UBE2E2: variants seen among roughly 807,000 people sequenced by gnomAD.
UBE2E2 encodes ubiquitin-conjugating enzyme E2 E2.
A neutral mutation model predicts 24.7 loss-of-function variants in UBE2E2; 6 were observed. The ratio of observed to expected loss-of-function variants is 0.24; its 90% confidence interval spans 0.13 to 0.48. The LOEUF is 0.48. UBE2E2 is among the 20% of genes least tolerant of loss of function. The pLI, the probability that UBE2E2 is intolerant of heterozygous loss-of-function variation, is 0.99. For missense variants in UBE2E2, 169 were observed against 245.0 expected (o/e 0.69, Z 2.07); for synonymous variants, 104 against 83.6 (o/e 1.24, Z -1.33).
intron 2 of UBE2E2, 152 bp from the exon 3 acceptor site, chr3:23,217,110 T>G: frequency 1.3e-6 from 1 of 746,802 alleles, no homozygotes; most frequent in Non-Finnish European, 2.1e-6. Flanking sequence ...AATTGCAACT[T>G]TATTGTTTGT....
chr3:23,204,813 A>G, intron 1 of UBE2E2: 1 of 932,346 alleles, frequency 1.1e-6, no homozygotes. Flanking sequence ...AGAAAAGTTT[A>G]GAAACATGAG....
chr3:23,284,170 T>G (rs1698553450), intron 3 of UBE2E2, among the ~76,000 whole-genome samples: 2 of 152,126 alleles, frequency 1.3e-5, no homozygotes, highest in African/African-American at 2.4e-5. Context: ...CTCCCTATAA[T>G]CTATAATATT....
intron 3 of UBE2E2, among the ~76,000 whole-genome samples, chr3:23,493,146 C>G (rs930742506): frequency 5.3e-5 from 8 of 152,154 alleles, no homozygotes; most frequent in African/African-American, 1.9e-4. Context: ...TCCTCTTTAC[C>G]TGTCCCAAAG....
chr3:23,514,973 A>G (rs538868288), intron 4 of UBE2E2, among the ~76,000 whole-genome samples: 8 of 152,302 alleles, frequency 5.3e-5, no homozygotes, highest in African/African-American at 1.9e-4. Context: ...TGTCCTTTGG[A>G]AGACCAAATA....
intron 3 of UBE2E2, among the ~76,000 whole-genome samples, chr3:23,345,181 A>G (rs989250907): frequency 6.6e-6 from 1 of 152,186 alleles, no homozygotes; most frequent in African/African-American, 2.4e-5. Context: ...TAAAATTGCA[A>G]CTGATCTTTA....
At chr3:23,569,257 T>C (rs1442126668) in intron 5 of UBE2E2, among the ~76,000 whole-genome samples, 1 of 152,194 alleles carries the variant, frequency 6.6e-6, no homozygotes, top group Non-Finnish European at 1.5e-5. Flanking sequence ...AGGAAAAGTT[T>C]TCAGATTAGG....
chr3:23,301,065 A>G (rs576446777), intron 3 of UBE2E2, among the ~76,000 whole-genome samples: 10 of 152,062 alleles, frequency 6.6e-5, no homozygotes, highest in South Asian at 4.2e-4. Flanking sequence ...CTTTCTTCCA[A>G]CTGATCACAT....
At chr3:23,228,717 C>A (rs985461796) in intron 3 of UBE2E2, among the ~76,000 whole-genome samples, 3 of 152,144 alleles carry the variant, frequency 2.0e-5, no homozygotes, top group African/African-American at 7.2e-5. Flanking sequence ...AGAATGTCTA[C>A]ATACTTTAGG....
At chr3:23,365,718 C>T (rs1696241456) in intron 3 of UBE2E2, among the ~76,000 whole-genome samples, 1 of 152,076 alleles carries the variant, frequency 6.6e-6, no homozygotes, top group South Asian at 2.1e-4. Flanking sequence ...AGTGCCATTC[C>T]TATCAAACTA....
At chr3:23,559,895 G>C (rs1284480356) in intron 5 of UBE2E2, among the ~76,000 whole-genome samples, 2 of 152,090 alleles carry the variant, frequency 1.3e-5, no homozygotes, top group Admixed American at 1.3e-4. Context: ...AGCTCTGTAA[G>C]TACATACTGG....
At chr3:23,512,158 GT>G (rs1257833023) in intron 4 of UBE2E2, among the ~76,000 whole-genome samples, 6 of 146,046 alleles carry the variant, frequency 4.1e-5, no homozygotes, top group Non-Finnish European at 9.0e-5. Flanking sequence ...CAGTAATTCA[GT>G]TTTTTGCCTA....
At chr3:23,292,126 GA>G (rs1351764665) in intron 3 of UBE2E2, among the ~76,000 whole-genome samples, 1 of 152,034 alleles carries the variant, frequency 6.6e-6, no homozygotes, top group Non-Finnish European at 1.5e-5. Context: ...CCAAAGTGCT[GA>G]GATTACAGGC....
intron 1 of UBE2E2, among the ~76,000 whole-genome samples, chr3:23,207,155 C>T (rs984823061): frequency 6.6e-6 from 1 of 152,214 alleles, no homozygotes; most frequent in South Asian, 2.1e-4. Flanking sequence ...TGGTTCAGTT[C>T]TGGATTTGTC....
intron 3 of UBE2E2, among the ~76,000 whole-genome samples, chr3:23,250,203 T>G (rs1010863212): frequency 6.6e-6 from 1 of 152,202 alleles, no homozygotes; most frequent in Non-Finnish European, 1.5e-5. Context: ...TCACAGCCAT[T>G]AAGTAGATAA....
intron 3 of UBE2E2, among the ~76,000 whole-genome samples, chr3:23,344,671 TAGTG>T (rs201108043): frequency 0.029 from 4,368 of 151,926 alleles, 107 homozygotes; most frequent in East Asian, 0.13. Context: ...CTGGGCAACA[TAGTG>T]AGACAAACCT....
intron 5 of UBE2E2, among the ~76,000 whole-genome samples, chr3:23,542,567 A>T (rs1048709111): frequency 1.3e-5 from 2 of 152,140 alleles, no homozygotes; most frequent in African/African-American, 4.8e-5. Context: ...GTGGAGAGAG[A>T]GTGTTTTCAG....
intron 3 of UBE2E2, among the ~76,000 whole-genome samples, chr3:23,498,320 T>C (rs1699650167): frequency 6.6e-6 from 1 of 152,202 alleles, no homozygotes; most frequent in Non-Finnish European, 1.5e-5. Context: ...AAAATCCAGT[T>C]TCTCTGTTTT....
rs191344563 is a variant in UBE2E2, at chr3:23,574,531, T to A, written c.509-15203T>A. Among the ~76,000 whole-genome samples the A allele has an allele frequency of 4.8e-3, 728 of 152,238 alleles. 4 individuals carry two copies. The highest frequency in any genetic ancestry group is 7.9e-3 in the Non-Finnish European group (539 of 68,002). ...ACACCTACTATGTACCCACAAACAT[T>A]AAAAATTATAAATTTTTATAAAGAA... On this transcript the variant is annotated intron_variant, in intron 5 of 5. Coordinates refer to ENST00000396703, the MANE Select transcript of UBE2E2 (RefSeq NM_152653.4).
At chr3:23,279,193 G>T (rs997784677) in intron 3 of UBE2E2, among the ~76,000 whole-genome samples, 2 of 152,040 alleles carry the variant, frequency 1.3e-5, no homozygotes, top group East Asian at 3.8e-4. Flanking sequence ...GACAGATTTG[G>T]CTTAGTAGTT....
Sources: allele counts gnomAD v4.1 joint callset (sites outside exome capture counted in the v4.1 genomes callset), GRCh38; gene constraint gnomAD v4.1.1; transcripts MANE v1.5; gene names NCBI Gene and HGNC (gene_info 2026-07-23, HGNC 2026-07-21).